The following FSTL5 variants were observed in gnomAD, a reference collection of about 807,000 sequenced individuals.
The protein encoded by FSTL5 is follistatin-related protein 5.
In FSTL5, 62 loss-of-function variants were observed where a neutral mutation model predicts 89.1. That is an observed-to-expected ratio of 0.70 (90% CI 0.57 to 0.86). The LOEUF (loss-of-function observed/expected upper bound fraction) is 0.86, where lower values mean the gene tolerates loss of function less well. FSTL5 is among the 40% of genes least tolerant of loss of function. The pLI is 0.00. For missense variants in FSTL5, 1,057 were observed against 1,001.6 expected (o/e 1.06, Z -0.75); for synonymous variants, 383 against 346.2 (o/e 1.11, Z -1.18).
intron 3 of FSTL5, among the ~76,000 whole-genome samples, chr4:161,985,331 G>A (rs1735933707): frequency 6.6e-6 from 1 of 152,048 alleles, no homozygotes; most frequent in Non-Finnish European, 1.5e-5. Context: ...ATTAAAATAT[G>A]TTAGTTATAT....
At chr4:161,957,974 A>G (rs1735070173) in intron 3 of FSTL5, among the ~76,000 whole-genome samples, 1 of 152,034 alleles carries the variant, frequency 6.6e-6, no homozygotes, top group African/African-American at 2.4e-5. Flanking sequence ...TTCCTATTAC[A>G]TATATATTAG....
chr4:161,848,788 A>G (rs1448103006), intron 4 of FSTL5, among the ~76,000 whole-genome samples: 1 of 152,160 alleles, frequency 6.6e-6, no homozygotes, highest in African/African-American at 2.4e-5. Context: ...GAGGGAAAAG[A>G]GTCTTGACAA....
chr4:161,649,633 T>C (rs1022207536), intron 7 of FSTL5, among the ~76,000 whole-genome samples: 4 of 152,218 alleles, frequency 2.6e-5, no homozygotes, highest in African/African-American at 9.6e-5. Flanking sequence ...GATGACCTTA[T>C]ATAGAGTAGT....
chr4:161,979,363 T>C (rs1046487657), intron 3 of FSTL5, among the ~76,000 whole-genome samples: 1 of 152,188 alleles, frequency 6.6e-6, no homozygotes, highest in East Asian at 1.9e-4. Context: ...GTGCTTTGTA[T>C]ATGCCACTAC....
chr4:161,558,502 C>A lies in FSTL5; in HGVS notation c.1016-15809G>T, dbSNP rs77299818. Among the ~76,000 whole-genome samples, 1,269 of 151,926 alleles carry A rather than the reference C, an allele frequency of 8.4e-3. 14 individuals carry two copies. The highest frequency in any genetic ancestry group is 0.028 in the African/African-American group (1,166 of 41,470). ...TATCAGTAGTAAAGACAAGTCTACA[C>A]TGAGTAGCTCAAAGAAAAATGCCAC... On this transcript the variant is annotated intron_variant, in intron 8 of 15. Coordinates refer to ENST00000306100, the MANE Select transcript of FSTL5 (RefSeq NM_020116.5).
intron 7 of FSTL5, among the ~76,000 whole-genome samples, chr4:161,620,691 T>A (rs1024086251): frequency 6.6e-6 from 1 of 152,026 alleles, no homozygotes; most frequent in Non-Finnish European, 1.5e-5. Flanking sequence ...AAAAAAGTGC[T>A]AACAGAGTTC....
chr4:162,130,859 T>C (rs1464605005), intron 1 of FSTL5, among the ~76,000 whole-genome samples: 3 of 152,130 alleles, frequency 2.0e-5, no homozygotes, highest in African/African-American at 7.2e-5. Context: ...TTCACATGGC[T>C]ATATAGTTTT....
intron 7 of FSTL5, among the ~76,000 whole-genome samples, chr4:161,628,948 CTTATAATTTTGGTATTTATTATAGGG>C (rs1349079880): frequency 6.6e-6 from 1 of 152,166 alleles, no homozygotes; most frequent in Admixed American, 6.5e-5. Flanking sequence ...TTTCTATACA[CTTATAATTTTGGTATTTATTATAGGG>C]TTATAATTTC....
At chr4:161,664,864 G>T in intron 6 of FSTL5, 1 of 185,460 alleles carries the variant, frequency 5.4e-6, no homozygotes, top group Non-Finnish European at 1.1e-5. Flanking sequence ...GAGGTGAAAG[G>T]CAGTTCTTAC....
At chr4:161,865,622 A>T (rs920487) in intron 4 of FSTL5, among the ~76,000 whole-genome samples, 1 of 151,952 alleles carries the variant, frequency 6.6e-6, no homozygotes, top group African/African-American at 2.4e-5. Flanking sequence ...TTACAATATC[A>T]AGATTTGCTT....
At chr4:161,866,067 A>T (rs896291631) in intron 4 of FSTL5, among the ~76,000 whole-genome samples, 3 of 152,212 alleles carry the variant, frequency 2.0e-5, no homozygotes, top group Non-Finnish European at 4.4e-5. Context: ...GTAAGGATTT[A>T]CTTCTAGCTC....
chr4:161,672,344 T>C (rs958657319), intron 6 of FSTL5, among the ~76,000 whole-genome samples: 5 of 152,120 alleles, frequency 3.3e-5, no homozygotes, highest in African/African-American at 1.2e-4. Context: ...CCCAAGAATA[T>C]CTTTCTCAAA....
chr4:162,117,512 T>C (rs2111423593), intron 1 of FSTL5, among the ~76,000 whole-genome samples: 1 of 152,274 alleles, frequency 6.6e-6, no homozygotes, highest in African/African-American at 2.4e-5. Flanking sequence ...CCAATCTAGG[T>C]GCGAGACAGG....
At chr4:161,797,179 T>A (rs2126825648) in intron 4 of FSTL5, among the ~76,000 whole-genome samples, 1 of 151,742 alleles carries the variant, frequency 6.6e-6, no homozygotes, top group East Asian at 1.9e-4. Context: ...CAAGATGTAA[T>A]ACTGCCTATC....
At chr4:161,409,792 T>C (rs1294341871) in intron 15 of FSTL5, among the ~76,000 whole-genome samples, 15 of 152,162 alleles carry the variant, frequency 9.9e-5, no homozygotes, top group Non-Finnish European at 2.1e-4. Context: ...ACATAGCCCA[T>C]AGTCACTATA....
intron 2 of FSTL5, among the ~76,000 whole-genome samples, chr4:162,073,806 A>G (rs572826579): frequency 2.0e-5 from 3 of 151,904 alleles, no homozygotes; most frequent in East Asian, 1.9e-4. Flanking sequence ...ATGAGGTAGC[A>G]TTGATAAGAA....
intron 6 of FSTL5, among the ~76,000 whole-genome samples, chr4:161,715,596 A>G (rs1416210614): frequency 6.6e-6 from 1 of 152,120 alleles, no homozygotes; most frequent in Non-Finnish European, 1.5e-5. Flanking sequence ...AAAGAATTAT[A>G]AGTTTCGAAC....
In FSTL5 at chr4:161,976,667, G is replaced by A. The variant is rs189819155; in HGVS notation, c.161-56015C>T. On this transcript the variant is annotated intron_variant, in intron 3 of 15. Coordinates refer to ENST00000306100, the MANE Select transcript of FSTL5 (RefSeq NM_020116.5). ...TGGCTAATTTTTTGTATTTTTAGTA[G>A]AGACGGGGTTTCACCTTGTTGGCCA... 1.3e-3 allele frequency among the ~76,000 whole-genome samples: 200 copies of A among 152,146 alleles called. 2 individuals are homozygous for A. The highest frequency in any genetic ancestry group is 1.8e-4 in the Non-Finnish European group (12 of 68,006).
chr4:161,449,064 GA>G (rs1733058706), intron 15 of FSTL5, among the ~76,000 whole-genome samples: 1 of 152,140 alleles, frequency 6.6e-6, no homozygotes, highest in Non-Finnish European at 1.5e-5. Context: ...AACAGAGGAG[GA>G]AAAAGCTGTG....
Sources: gnomAD v4.1 joint callset for allele counts (sites outside exome capture counted in the v4.1 genomes callset) on GRCh38, gnomAD v4.1.1 for gene constraint, MANE v1.5 for transcripts, NCBI Gene and HGNC (gene_info 2026-07-23, HGNC 2026-07-21) for gene names.